PDCD2L: variants seen among roughly 807,000 people sequenced by gnomAD.
The protein encoded by PDCD2L is programmed cell death 2 like, also known as uS5 assembly chaperone PDCD2L.
Under a neutral mutation model 40.4 loss-of-function variants are expected in PDCD2L, and 44 were observed. The observed-to-expected ratio is 1.09, with a 90% CI of 0.86 to 1.40. PDCD2L has a LOEUF of 1.40. PDCD2L is among the 40% of genes most tolerant of loss of function. The probability of loss-of-function intolerance (pLI) is 0.00; values close to 1 mark genes in which losing one functional copy is unlikely to be tolerated. For missense variants in PDCD2L, 470 were observed against 453.7 expected (o/e 1.04, Z -0.33); for synonymous variants, 194 against 174.6 (o/e 1.11, Z -0.88).
At chr19:34,409,079 G>A (rs931730847) in intron 3 of PDCD2L, 82 bp from the exon 4 acceptor site, 12 of 1,291,030 alleles carry the variant, frequency 9.3e-6, no homozygotes, top group East Asian at 4.6e-5. Flanking sequence ...TCTGGAAGGC[G>A]CGGCGGTGGG....
chr19:34,405,142 A>ATTTTTT, intron 3 of PDCD2L, 152 bp downstream of exon 3: 1 of 364,644 alleles, frequency 2.7e-6, no homozygotes, highest in Non-Finnish European at 4.4e-6. Context: ...ATTTTCGTAA[A>ATTTTTT]GTTTTTTTTT....
chr19:34,410,762 T>TA (rs1555724389), intron 4 of PDCD2L, among the ~76,000 whole-genome samples: 1 of 146,248 alleles, frequency 6.8e-6, no homozygotes, highest in Non-Finnish European at 1.5e-5. Context: ...ACTTTTTATT[T>TA]TTTATTTATT....
chr19:34,405,029 T>C (rs761847664), intron 3 of PDCD2L, 39 bp downstream of exon 3: 1 of 1,608,240 alleles, frequency 6.2e-7, no homozygotes, highest in Admixed American at 1.7e-5. Context: ...TTTTCTGTCA[T>C]TTGAGGATAT....
intron 4 of PDCD2L, among the ~76,000 whole-genome samples, chr19:34,413,348 T>G (rs1233194144): frequency 6.7e-6 from 1 of 148,372 alleles, no homozygotes. Context: ...TTTTTTTTTT[T>G]TGAGATGGAG....
intron 6 of PDCD2L, among the ~76,000 whole-genome samples, chr19:34,423,885 C>T (rs762915994): frequency 2.0e-5 from 3 of 152,060 alleles, no homozygotes; most frequent in Non-Finnish European, 2.9e-5. Flanking sequence ...TTTTTTATTC[C>T]TGTTTTATTT....
chr19:34,415,010 C>G (rs2075121031), intron 5 of PDCD2L, among the ~76,000 whole-genome samples: 1 of 152,056 alleles, frequency 6.6e-6, no homozygotes, highest in Non-Finnish European at 1.5e-5. Flanking sequence ...GTTGCCCAGT[C>G]TGCTCTCAAA....
At chr19:34,424,548 G>C (rs2075167123) in intron 6 of PDCD2L, among the ~76,000 whole-genome samples, 1 of 152,034 alleles carries the variant, frequency 6.6e-6, no homozygotes, top group Admixed American at 6.6e-5. Context: ...ATACTTCCTG[G>C]GTCTTGGGTT....
chr19:34,407,626 T>G (rs1467680527), intron 3 of PDCD2L, among the ~76,000 whole-genome samples: 1 of 151,862 alleles, frequency 6.6e-6, no homozygotes, highest in Non-Finnish European at 1.5e-5. Flanking sequence ...GGGTGAAAAA[T>G]ATTCCATTGT....
At chr19:34,421,815 T>C (rs1162006900) in intron 6 of PDCD2L, 148 bp downstream of exon 6, 83 of 1,065,354 alleles carry the variant, frequency 7.8e-5, no homozygotes, top group Admixed American at 1.2e-4. Context: ...TTAGGCCAGG[T>C]GTGGTGGCTC....
intron 6 of PDCD2L, chr19:34,422,111 A>G (rs1393897062): frequency 6.6e-6 from 1 of 150,598 alleles, no homozygotes; most frequent in African/African-American, 2.4e-5. Context: ...AGAAATTTAT[A>G]ATCCAGCCAG....
At chr19:34,413,451 C>T (rs1385495980) in intron 4 of PDCD2L, among the ~76,000 whole-genome samples, 1 of 151,572 alleles carries the variant, frequency 6.6e-6, no homozygotes, top group Non-Finnish European at 1.5e-5. Flanking sequence ...TTTCCTCTGC[C>T]TCAGCCTGCT....
intron 5 of PDCD2L, 60 bp from the exon 6 acceptor site, chr19:34,421,459 T>C: frequency 6.3e-7 from 1 of 1,591,294 alleles, no homozygotes; most frequent in East Asian, 2.2e-5. Context: ...AGCATGGCCT[T>C]AGATGCTAGA....
chr19:34,415,693 A>G (rs2075123803), intron 5 of PDCD2L, among the ~76,000 whole-genome samples: 1 of 152,240 alleles, frequency 6.6e-6, no homozygotes, highest in Non-Finnish European at 1.5e-5. Context: ...ATCAGCACTG[A>G]ACAAAGGAAA....
intron 4 of PDCD2L, among the ~76,000 whole-genome samples, chr19:34,411,480 C>T (rs957963026): frequency 6.6e-6 from 1 of 151,744 alleles, no homozygotes; most frequent in South Asian, 2.1e-4. Context: ...TCTGGCCCCA[C>T]GTGATCCGCC....
intron 4 of PDCD2L, among the ~76,000 whole-genome samples, chr19:34,411,243 C>CTTT (rs34836648): frequency 4.0e-5 from 4 of 99,234 alleles, no homozygotes; most frequent in East Asian, 3.0e-4. Flanking sequence ...TGGTTATGGC[C>CTTT]TTTTTTTTTT....
At position 34,404,781 on chromosome 19, in the gene PDCD2L, G is replaced by A. The variant is rs1457400967; in HGVS notation, c.241G>A (p.Ala81Thr). The change falls in exon 2 of 7, where the codon GCC (alanine) becomes ACC (threonine). Residue 81 changes from alanine (A) to threonine (T), a missense_variant. Physicochemically the swap from Ala to Thr is moderately conservative, Grantham distance 58 (BLOSUM62 0). Coordinates refer to ENST00000246535, the MANE Select transcript of PDCD2L (RefSeq NM_032346.2). ...CCGTCTGCTGCACGTGTTCGCGTGC[G>A]CCTGCCCCGGCTGTAGCACCGGCGG... ...FHRLLHVFAC[A>T]CPGCSTGGAR... 7 of 1,605,520 alleles carry A rather than the reference G, an allele frequency of 4.4e-6. No individual in the cohort carries two copies. The highest frequency in any genetic ancestry group is 1.7e-5 in the Admixed American group (1 of 59,000).
chr19:34,411,713 G>T (rs1032143775), intron 4 of PDCD2L, among the ~76,000 whole-genome samples: 1 of 151,774 alleles, frequency 6.6e-6, no homozygotes, highest in Non-Finnish European at 1.5e-5. Flanking sequence ...GGAGTACAGC[G>T]GTGTGATAAT....
At chr19:34,411,967 TA>T (rs2075105569) in intron 4 of PDCD2L, among the ~76,000 whole-genome samples, 1 of 145,638 alleles carries the variant, frequency 6.9e-6, no homozygotes, top group Admixed American at 7.0e-5. Context: ...AAAATACATA[TA>T]TATATATATA....
chr19:34,422,547 A>G (rs1025678836), intron 6 of PDCD2L, among the ~76,000 whole-genome samples: 1 of 152,130 alleles, frequency 6.6e-6, no homozygotes, highest in Non-Finnish European at 1.5e-5. Context: ...CATTTTTGAC[A>G]TAAAGACAAA....
Sources: gnomAD v4.1 joint callset for allele counts (sites outside exome capture counted in the v4.1 genomes callset) on GRCh38, gnomAD v4.1.1 for gene constraint, MANE v1.5 for transcripts, NCBI Gene and HGNC (gene_info 2026-07-23, HGNC 2026-07-21) for gene names.